Variants in CCNE1 observed in about 807,000 individuals in gnomAD.
CCNE1 encodes G1/S-specific cyclin-E1.
A neutral mutation model predicts 54.1 loss-of-function variants in CCNE1; 8 were observed. The ratio of observed to expected loss-of-function variants is 0.15; its 90% CI spans 0.09 to 0.27. The LOEUF is 0.27. Ranked by LOEUF, CCNE1 falls within the 10% of genes least tolerant of loss-of-function variation. The probability of loss-of-function intolerance (pLI) is 1.00; values close to 1 mark genes in which losing one functional copy is unlikely to be tolerated. For synonymous variants in CCNE1, 179 were observed against 185.2 expected (o/e 0.97, Z 0.27); for missense variants, 430 against 514.9 (o/e 0.84, Z 1.60).
rs1174548425 is a variant in CCNE1, at chr19:29,812,533, C to T, written c.-23C>T. The T allele has an allele frequency of 3.5e-6, 5 of 1,420,340 alleles. No individual in the cohort carries two copies. The highest frequency in any genetic ancestry group is 1.5e-5 in the African/African-American group (1 of 66,302). 88.0% of individuals were successfully genotyped at this position (1,420,340 alleles called of 1,614,324 possible). On this transcript the variant is annotated splice_region_variant and 5_prime_UTR_variant, in exon 2 of 12. Transcript: ENST00000262643. Reference sequence around the variant, plus strand: ...GCCTCACCCCGCGCCGCCCCGCAGGCCTCAGGCCGGAGCAGCCCCATCATG... The same window carrying T: ...GCCTCACCCCGCGCCGCCCCGCAGGTCTCAGGCCGGAGCAGCCCCATCATG...
rs1973930862 is a variant in CCNE1 at position 29,812,995 on chromosome 19, G to A, written c.138G>A (p.Met46Ile). 1 of 1,614,070 alleles carries A rather than the reference G, an allele frequency of 6.2e-7. No individual in the cohort carries two copies. Among genetic ancestry groups the A allele is most frequent in the African/African-American group, 1.3e-5 (1 of 74,920 alleles). Residue 46 changes from methionine (M) to isoleucine (I), a missense_variant, in exon 4 of 12, where the codon ATG (methionine) becomes ATA (isoleucine). Physicochemically the swap from Met to Ile is conservative, Grantham distance 10 (BLOSUM62 1). Coordinates refer to ENST00000262643, the MANE Select transcript of CCNE1 (RefSeq NM_001238.4). The part of the protein sequence containing the change: ...TVFLQDPDEE[M>I]AKIDRTARDQ... The stretch of plus-strand genomic sequence containing the variant: ...TTTTGCAGGATCCAGATGAAGAAAT[G>A]GCCAAAATCGACAGGACGGCGAGGG...
intron 6 of CCNE1, among the ~76,000 whole-genome samples, chr19:29,819,602 A>G (rs1257153799): frequency 6.6e-6 from 1 of 152,214 alleles, no homozygotes; most frequent in East Asian, 1.9e-4. Context: ...CTTGGTCCAC[A>G]CTATTTTATT....
rs998966219 is a variant in CCNE1, at chr19:29,817,162, C to T, written c.206C>T (p.Ala69Val). Residue 69 changes from alanine (A) to valine (V), a missense_variant, in exon 5 of 12, where the codon GCA (alanine) becomes GTA (valine). Physicochemically the swap from Ala to Val is moderately conservative, Grantham distance 64. This residue lies in a region of CCNE1 where 127 missense variants were observed against 113.8 expected (regional missense o/e 1.12). Coordinates refer to ENST00000262643, the MANE Select transcript of CCNE1 (RefSeq NM_001238.4). ...SQPWDNNAVC[A>V]DPCSLIPTPD... ...CCTTGGGACAATAATGCAGTCTGTG[C>T]AGACCCCTGCTCCCTGATCCCCACA... The T allele has an allele frequency of 1.9e-6, 3 of 1,614,064 alleles. No homozygotes were observed. Among genetic ancestry groups the T allele is most frequent in the South Asian group, 1.1e-5 (1 of 91,082 alleles).
chr19:29,814,176 TC>T (rs1275480525), intron 4 of CCNE1, among the ~76,000 whole-genome samples: 1 of 152,072 alleles, frequency 6.6e-6, no homozygotes, highest in Non-Finnish European at 1.5e-5. Context: ...AGACGGCATA[TC>T]CCCAGTTTTT....
chr19:29,822,843 C>T (rs1974183270), intron 11 of CCNE1, among the ~76,000 whole-genome samples: 1 of 151,888 alleles, frequency 6.6e-6, no homozygotes, highest in South Asian at 2.1e-4. Flanking sequence ...ACTCGAGAGG[C>T]TAAGGCAGGA....
In CCNE1 at chr19:29,823,904, A is replaced by T; in HGVS notation, c.*127A>T. On this transcript the variant is annotated 3_prime_UTR_variant, in exon 12 of 12. Transcript: ENST00000262643. ...GGAAGAGTGTTTCTTCCACAACAGAAGTATTTCTGTGGATGGCATCAAACA... is the reference window on the plus strand; with the variant it reads ...GGAAGAGTGTTTCTTCCACAACAGATGTATTTCTGTGGATGGCATCAAACA... The T allele has an allele frequency of 9.2e-7, 1 of 1,082,714 alleles. No homozygotes were observed. Among genetic ancestry groups the T allele is most frequent in the Non-Finnish European group, 1.3e-6 (1 of 778,790 alleles). The allele number at this position is 1,082,714 out of a possible 1,614,324, so 67.1% of individuals were successfully genotyped here.
chr19:29,819,006 G>A (rs924918936), intron 6 of CCNE1, among the ~76,000 whole-genome samples: 1 of 151,894 alleles, frequency 6.6e-6, no homozygotes, highest in Non-Finnish European at 1.5e-5. Context: ...CAGGTGATCC[G>A]CCCGCCTTGG....
chr19:29,817,788 T>G (rs534222348), intron 6 of CCNE1, among the ~76,000 whole-genome samples: 51 of 152,212 alleles, frequency 3.4e-4, no homozygotes, highest in African/African-American at 1.2e-3. Context: ...AAATAATTGT[T>G]AAGATTGTAT....
intron 4 of CCNE1, among the ~76,000 whole-genome samples, chr19:29,815,425 A>G (rs989930764): frequency 3.9e-5 from 6 of 152,116 alleles, no homozygotes; most frequent in Non-Finnish European, 7.4e-5. Context: ...TTCTTTGTAC[A>G]TTGGGTGGGG....
intron 6 of CCNE1, among the ~76,000 whole-genome samples, chr19:29,819,480 C>A (rs1196411511): frequency 1.3e-5 from 2 of 152,026 alleles, no homozygotes; most frequent in Non-Finnish European, 2.9e-5. Flanking sequence ...TGGGGTCTTG[C>A]TATGTTGCCC....
At chr19:29,814,854 A>G (rs1313278688) in intron 4 of CCNE1, among the ~76,000 whole-genome samples, 2 of 152,122 alleles carry the variant, frequency 1.3e-5, no homozygotes, top group South Asian at 4.1e-4. Context: ...TAACACGTCC[A>G]TTTTGTTGTT....
chr19:29,815,066 A>T (rs1337328730), intron 4 of CCNE1, among the ~76,000 whole-genome samples: 2 of 152,244 alleles, frequency 1.3e-5, no homozygotes, highest in Non-Finnish European at 2.9e-5. Context: ...ACACTCAAGG[A>T]CATAGACTTA....
rs2145722195 is a variant in CCNE1, at chr19:29,817,382, TTTTTGTTGTGTG to T, written c.327-14_327-3del. On this transcript the variant is annotated splice_polypyrimidine_tract_variant and intron_variant, in intron 5 of 11. Transcript: ENST00000262643. ...CATTCTTACCCCTTTGTGGGCCTCA[TTTTTGTTGTGTG>T]TTTTGTTGTAGCTGGGCAAATAGAG... is the stretch of plus-strand genomic sequence containing the variant. 2.5e-6 allele frequency: 4 copies of T among 1,613,966 alleles called. No homozygotes were observed. The highest frequency in any genetic ancestry group is 3.4e-6 in the Non-Finnish European group (4 of 1,179,880).
At chr19:29,816,008 T>C (rs1410828882) in intron 4 of CCNE1, among the ~76,000 whole-genome samples, 2 of 151,788 alleles carry the variant, frequency 1.3e-5, no homozygotes, top group Non-Finnish European at 2.9e-5. Flanking sequence ...ATACAAAAAT[T>C]AGCTGGGTGT....
chr19:29,820,903 T>A, intron 7 of CCNE1, 55 bp downstream of exon 7: 1 of 1,384,724 alleles, frequency 7.2e-7, no homozygotes, highest in Non-Finnish European at 1.0e-6. Context: ...CGAGCTCCAC[T>A]GAGATTGGGG....
rs775592534 is a variant in CCNE1 at position 29,822,546 on chromosome 19, C to T, written c.1053C>T (p.Gly351=). 2.0e-5 allele frequency: 33 copies of T among 1,613,894 alleles called. No homozygotes were observed. Among genetic ancestry groups the T allele is most frequent in the South Asian group, 1.2e-4 (11 of 91,064 alleles). The part of the protein sequence containing the change: ...TGSSKLKHFR[G]VADEDAHNIQ... ...GCTCAAAACTGAAGCACTTCAGGGG[C>T]GTCGCTGATGAAGATGCACACAACA... Residue 351 remains glycine, a synonymous_variant, in exon 11 of 12, where the codon GGC becomes GGT. Coordinates refer to ENST00000262643, the MANE Select transcript of CCNE1 (RefSeq NM_001238.4).
chr19:29,822,857 T>A (rs1974183697), intron 11 of CCNE1, among the ~76,000 whole-genome samples: 2 of 151,484 alleles, frequency 1.3e-5, no homozygotes, highest in Admixed American at 6.6e-5. Flanking sequence ...GGCAGGAGAA[T>A]CATCTGAACC....
intron 11 of CCNE1, 149 bp from the exon 12 acceptor site, chr19:29,823,506 A>T: frequency 2.0e-6 from 1 of 498,532 alleles, no homozygotes; most frequent in African/African-American, 2.0e-5. Context: ...CCGAGATCCC[A>T]CCACTGTACT....
At chr19:29,820,659 A>G in intron 6 of CCNE1, 43 bp from the exon 7 acceptor site, 1 of 1,471,074 alleles carries the variant, frequency 6.8e-7, no homozygotes, top group Non-Finnish European at 9.3e-7. Context: ...CCCTCCCTCA[A>G]GTAAAACTTA....
Sources: gnomAD v4.1 joint callset for allele counts (sites outside exome capture counted in the v4.1 genomes callset) on GRCh38, gnomAD v4.1.1 for gene constraint, gnomAD v4.1.1 regional missense constraint, MANE v1.5 for transcripts, NCBI Gene and HGNC (gene_info 2026-07-23, HGNC 2026-07-21) for gene names.